Variants in TPD52L1 observed in about 807,000 individuals in gnomAD.
TPD52L1 encodes TPD52 like 1.
Under a neutral mutation model 28.7 loss-of-function variants are expected in TPD52L1, and 18 were observed. The observed-to-expected ratio is 0.63, with a 90% CI of 0.43 to 0.93. TPD52L1 has a LOEUF of 0.93. Among genes scored for constraint, TPD52L1 ranks in the 40% least tolerant of loss-of-function variants. TPD52L1 has a pLI of 0.00. For missense variants in TPD52L1, 203 were observed against 254.8 expected (o/e 0.80, Z 1.39); for synonymous variants, 75 against 88.8 (o/e 0.84, Z 0.88).
At chr6:125,222,597 A>T (rs1795314156) in intron 2 of TPD52L1, among the ~76,000 whole-genome samples, 1 of 152,202 alleles carries the variant, frequency 6.6e-6, no homozygotes, top group Non-Finnish European at 1.5e-5. Context: ...TCTGTGAAAT[A>T]AATAATTCAA....
Position 125,262,851 on chromosome 6 carries a change from G to A in TPD52L1, c.504G>A (p.Thr168=), listed in dbSNP as rs76969470. 2,909 of 1,613,984 alleles carry A rather than the reference G, an allele frequency of 1.8e-3. 21 individuals carry two copies. The African/African-American group carries it at 0.022, about 12-fold the overall frequency. The change falls in exon 7 of 7, where the codon ACG becomes ACA. Residue 168 remains threonine (T), a synonymous_variant. Transcript: ENST00000534000. Reference sequence around the variant, plus strand: ...CATTTCAGACGAAAGTAGGCGGTACGAACCCTAATGGAGGCAGTTTTGAGG... The same window carrying A: ...CATTTCAGACGAAAGTAGGCGGTACAAACCCTAATGGAGGCAGTTTTGAGG... ...VTSLKTKVGG[T]NPNGGSFEEV... is the part of the protein sequence containing the mutation.
At chr6:125,229,939 C>G (rs1307726918) in intron 3 of TPD52L1, among the ~76,000 whole-genome samples, 1 of 151,926 alleles carries the variant, frequency 6.6e-6, no homozygotes, top group African/African-American at 2.4e-5. Flanking sequence ...TACAAAAAAT[C>G]AGCTGGGTGT....
At chr6:125,159,880 G>T (rs577391405) in intron 1 of TPD52L1, among the ~76,000 whole-genome samples, 1 of 152,144 alleles carries the variant, frequency 6.6e-6, no homozygotes, top group African/African-American at 2.4e-5. Flanking sequence ...ATCTTGAATT[G>T]TAGCTCCCAT....
chr6:125,210,016 T>C (rs1355517676), intron 1 of TPD52L1, among the ~76,000 whole-genome samples: 1 of 152,218 alleles, frequency 6.6e-6, no homozygotes, highest in Non-Finnish European at 1.5e-5. Context: ...AGTCTCTGTT[T>C]AACTCAGAGC....
Position 125,161,454 on chromosome 6 carries a change from C to T in TPD52L1, c.19+7484C>T, listed in dbSNP as rs556405341. Among the ~76,000 whole-genome samples, 14 of 152,284 alleles carry T rather than the reference C, an allele frequency of 9.2e-5. 1 individual carries two copies. In the South Asian group the frequency reaches 2.9e-3, roughly 32 times the overall value. On this transcript the variant is annotated intron_variant, in intron 1 of 6. Coordinates refer to ENST00000534000, the MANE Select transcript of TPD52L1 (RefSeq NM_003287.4). ...TTCACAACTTGAATCAAGAGGCCTG[C>T]TTTTGATCTATCTTGGCTTTCACTG...
At chr6:125,167,913 A>G (rs1562200205) in intron 1 of TPD52L1, among the ~76,000 whole-genome samples, 2 of 152,238 alleles carry the variant, frequency 1.3e-5, no homozygotes, top group Non-Finnish European at 2.9e-5. Context: ...CATAAAATAT[A>G]CATCTGAAAA....
chr6:125,163,908 C>T lies in TPD52L1; in HGVS notation c.19+9938C>T, dbSNP rs1259993424. Among the ~76,000 whole-genome samples the T allele has an allele frequency of 3.5e-5, 5 of 142,792 alleles. No homozygotes were observed. The Admixed American group carries it at 3.5e-4, about 10-fold the overall frequency. 93.7% of individuals were successfully genotyped at this position (142,792 alleles called of 152,430 possible). A position where few individuals can be genotyped will look rare whatever the true frequency, so the allele number is the denominator to read the frequency against. ...CTCCAGCCTGGGTGACAGAGTGACA[C>T]TCTGTCTCAAAAAAAAAAAAAAAGA... On this transcript the variant is annotated intron_variant, in intron 1 of 6. Coordinates refer to ENST00000534000, the MANE Select transcript of TPD52L1 (RefSeq NM_003287.4).
chr6:125,234,768 G>C (rs1203166935), intron 3 of TPD52L1, among the ~76,000 whole-genome samples: 1 of 151,988 alleles, frequency 6.6e-6, no homozygotes, highest in Admixed American at 6.6e-5. Flanking sequence ...TTAAAGATGT[G>C]CCAGATTCTA....
intron 1 of TPD52L1, among the ~76,000 whole-genome samples, chr6:125,180,888 A>T (rs560321549): frequency 6.6e-6 from 1 of 151,744 alleles, no homozygotes; most frequent in Admixed American, 6.6e-5. Flanking sequence ...CTATTATCAT[A>T]GGTCTTTATG....
chr6:125,161,729 T>C (rs1256578109), intron 1 of TPD52L1, among the ~76,000 whole-genome samples: 3 of 152,196 alleles, frequency 2.0e-5, no homozygotes, highest in Non-Finnish European at 4.4e-5. Context: ...GCATAGTTCA[T>C]GGTTCTCCAA....
intron 1 of TPD52L1, among the ~76,000 whole-genome samples, chr6:125,160,879 T>C (rs1790480653): frequency 7.2e-6 from 1 of 139,410 alleles, no homozygotes; most frequent in African/African-American, 2.7e-5. Context: ...TGAGATGGAG[T>C]CTTGCTCTGT....
chr6:125,175,239 A>G (rs1168319028), intron 1 of TPD52L1, among the ~76,000 whole-genome samples: 1 of 152,152 alleles, frequency 6.6e-6, no homozygotes, highest in East Asian at 1.9e-4. Flanking sequence ...ACATGCGGGG[A>G]AAACAATGAA....
intron 1 of TPD52L1, among the ~76,000 whole-genome samples, chr6:125,187,183 C>T (rs978435048): frequency 1.3e-5 from 2 of 151,932 alleles, no homozygotes; most frequent in Non-Finnish European, 2.9e-5. Flanking sequence ...ACTGGCCAGC[C>T]GTGTATGAAA....
At chr6:125,156,696 C>G (rs1790160832) in intron 1 of TPD52L1, among the ~76,000 whole-genome samples, 1 of 151,992 alleles carries the variant, frequency 6.6e-6, no homozygotes, top group South Asian at 2.1e-4. Context: ...CTGAGCCCAG[C>G]AGGTGGAGGC....
At position 125,248,350 on chromosome 6, in the gene TPD52L1, G is replaced by T; in HGVS notation, c.353G>T (p.Gly118Val). 1 of 1,614,172 alleles carries T rather than the reference G, an allele frequency of 6.2e-7. No individual in the cohort carries two copies. Among genetic ancestry groups the T allele is most frequent in the Non-Finnish European group, 8.5e-7 (1 of 1,180,018 alleles). ...GCAACTGCAGCTTTCAGCAACGTTG[G>T]AACGGCCATCAGCAAGAAGTTCGGA... The part of the protein sequence containing the change: ...QKATAAFSNV[G>V]TAISKKFGDM... The change falls in exon 4 of 7, where the codon GGA becomes GTA. Residue 118 changes from glycine (G) to valine (V), a missense_variant. By Grantham distance (109) the Gly-to-Val change is moderately radical. Coordinates refer to ENST00000534000, the MANE Select transcript of TPD52L1 (RefSeq NM_003287.4).
chr6:125,255,292 T>C (rs1797530227), intron 5 of TPD52L1, among the ~76,000 whole-genome samples: 1 of 152,234 alleles, frequency 6.6e-6, no homozygotes, highest in Non-Finnish European at 1.5e-5. Flanking sequence ...TTCCTCACTG[T>C]GGGCCTGTGT....
At chr6:125,257,009 T>C in intron 5 of TPD52L1, 89 bp from the exon 6 acceptor site, 1 of 1,155,804 alleles carries the variant, frequency 8.7e-7, no homozygotes, top group Admixed American at 2.2e-5. Flanking sequence ...GCAGAGGCCG[T>C]GTTTACAGAT....
intron 1 of TPD52L1, among the ~76,000 whole-genome samples, chr6:125,188,935 T>G (rs1323269369): frequency 6.6e-6 from 1 of 152,222 alleles, no homozygotes; most frequent in Non-Finnish European, 1.5e-5. Flanking sequence ...TTCCTTAAGG[T>G]AGTTTTAAGT....
chr6:125,165,337 A>C (rs1020891153), intron 1 of TPD52L1, among the ~76,000 whole-genome samples: 1 of 152,140 alleles, frequency 6.6e-6, no homozygotes, highest in Non-Finnish European at 1.5e-5. Context: ...AGGCAGGAGA[A>C]TATTTTAATG....
Sources: allele counts gnomAD v4.1 joint callset (sites outside exome capture counted in the v4.1 genomes callset), GRCh38; gene constraint gnomAD v4.1.1; transcripts MANE v1.5; gene names NCBI Gene and HGNC (gene_info 2026-07-23, HGNC 2026-07-21).